BCAP29: variants seen among roughly 807,000 people sequenced by gnomAD.
BCAP29 encodes B-cell receptor-associated protein 29.
Under a neutral mutation model 31.8 loss-of-function variants are expected in BCAP29, and 34 were observed. The observed-to-expected ratio is 1.07, with a 90% CI of 0.81 to 1.42. The LOEUF (loss-of-function observed/expected upper bound fraction) is 1.42, where lower values mean the gene tolerates loss of function less well. BCAP29 is among the 40% of genes most tolerant of loss of function. The pLI is 0.00. For synonymous variants in BCAP29, 104 were observed against 91.3 expected, an observed-to-expected ratio of 1.14 and a Z score of -0.79; for missense variants, 314 against 269.2, an observed-to-expected ratio of 1.17 and a Z score of -1.16.
At chr7:107,594,362 A>ACT (rs1310781794) in intron 4 of BCAP29, among the ~76,000 whole-genome samples, 1 of 151,766 alleles carries the variant, frequency 6.6e-6, no homozygotes, top group African/African-American at 2.4e-5. Flanking sequence ...TAATTTTTAA[A>ACT]TTTTTTGTAG....
intron 2 of BCAP29, among the ~76,000 whole-genome samples, chr7:107,581,333 C>G (rs148315345): frequency 1.7e-3 from 264 of 152,242 alleles, no homozygotes; most frequent in African/African-American, 6.0e-3. Context: ...CCTTTGTAAC[C>G]GTTAGTTTCA....
intron 7 of BCAP29, among the ~76,000 whole-genome samples, chr7:107,616,959 G>C (rs1267623939): frequency 2.0e-5 from 3 of 152,098 alleles, no homozygotes; most frequent in Non-Finnish European, 2.9e-5. Flanking sequence ...GGCTGGTCTC[G>C]AACTCCTGAC....
At position 107,615,404 on chromosome 7, in the gene BCAP29, G is replaced by A. The variant is rs527833084; in HGVS notation, c.690+1972G>A. ...GATCATGGGAGATCAAGACCATCCT[G>A]GCTAACAAGGTGAAACCCTGTCTCT... On this transcript the variant is annotated intron_variant, in intron 7 of 7. Transcript: ENST00000005259. 225 of 441,874 alleles carry A rather than the reference G, an allele frequency of 5.1e-4. 2 individuals carry two copies. The highest frequency in any genetic ancestry group is 4.1e-3 in the African/African-American group (206 of 49,660). The allele number at this position is 441,874 out of a possible 1,614,324, so 27.4% of individuals were successfully genotyped here. A position where few individuals can be genotyped will look rare whatever the true frequency, so the allele number is the denominator to read the frequency against.
chr7:107,618,100 A>G (rs918765844), intron 7 of BCAP29, among the ~76,000 whole-genome samples: 2 of 152,312 alleles, frequency 1.3e-5, no homozygotes, highest in East Asian at 1.9e-4. Context: ...AAAGCAAAAT[A>G]GATTAAGGCA....
intron 2 of BCAP29, among the ~76,000 whole-genome samples, chr7:107,582,040 C>T (rs994267611): frequency 6.6e-6 from 1 of 152,158 alleles, no homozygotes; most frequent in East Asian, 1.9e-4. Context: ...GCCTCTCATC[C>T]TGTAGGTTTT....
At chr7:107,607,635 CTTTTTTTTTT>C (rs57817003) in intron 6 of BCAP29, among the ~76,000 whole-genome samples, 1 of 132,640 alleles carries the variant, frequency 7.5e-6, no homozygotes, top group African/African-American at 2.8e-5. Flanking sequence ...CTTTCTTTTT[CTTTTTTTTTT>C]TTTTTTTCCG....
chr7:107,593,748 C>G (rs1809301247), intron 3 of BCAP29, among the ~76,000 whole-genome samples: 1 of 152,086 alleles, frequency 6.6e-6, no homozygotes, highest in Non-Finnish European at 1.5e-5. Flanking sequence ...TATAGTAATT[C>G]AAAATTTGCT....
upstream of BCAP29, chr7:107,580,165 G>C (rs924791909): frequency 6.6e-6 from 1 of 152,134 alleles, no homozygotes; most frequent in Non-Finnish European, 1.5e-5. Context: ...CAGCCGGGAC[G>C]GACCCGCGGG....
chr7:107,587,075 C>G (rs1038630651), intron 3 of BCAP29, among the ~76,000 whole-genome samples: 1 of 152,122 alleles, frequency 6.6e-6, no homozygotes, highest in African/African-American at 2.4e-5. Flanking sequence ...TTAGAGCCAA[C>G]ACTAACTGAG....
intron 6 of BCAP29, among the ~76,000 whole-genome samples, chr7:107,604,082 A>G (rs1308620324): frequency 6.6e-6 from 1 of 152,182 alleles, no homozygotes. Context: ...TATTATGGGT[A>G]CCTAAGTATT....
chr7:107,585,496 C>T (rs1807485387), intron 3 of BCAP29, among the ~76,000 whole-genome samples: 1 of 152,160 alleles, frequency 6.6e-6, no homozygotes, highest in South Asian at 2.1e-4. Context: ...CACCAGCTAA[C>T]TAAAGGACCT....
intron 6 of BCAP29, among the ~76,000 whole-genome samples, chr7:107,610,411 CAAAAT>C (rs1308028697): frequency 2.0e-5 from 3 of 152,082 alleles, no homozygotes; most frequent in Non-Finnish European, 4.4e-5. Flanking sequence ...TAATATGCCT[CAAAAT>C]AAAATAAGCA....
downstream of BCAP29, chr7:107,621,024 A>G (rs546465899): frequency 4.6e-5 from 7 of 152,482 alleles, no homozygotes; most frequent in East Asian, 3.9e-4. Context: ...AGCCACAGCT[A>G]CTTGGATGTA....
chr7:107,588,768 A>G (rs570708738), intron 3 of BCAP29, among the ~76,000 whole-genome samples: 12 of 152,366 alleles, frequency 7.9e-5, no homozygotes, highest in African/African-American at 2.9e-4. Context: ...AGGATGTCTA[A>G]GAAAGGAGAG....
intron 6 of BCAP29, among the ~76,000 whole-genome samples, chr7:107,610,867 T>C (rs1163641046): frequency 6.6e-6 from 1 of 152,196 alleles, no homozygotes; most frequent in Non-Finnish European, 1.5e-5. Flanking sequence ...ATAAATTGTT[T>C]TTGACATTAA....
At chr7:107,610,628 T>A (rs889243268) in intron 6 of BCAP29, among the ~76,000 whole-genome samples, 7 of 152,118 alleles carry the variant, frequency 4.6e-5, no homozygotes, top group African/African-American at 1.2e-4. Context: ...TCCACTGAAA[T>A]ACAAAATGAA....
chr7:107,594,182 C>T (rs1401859884), intron 4 of BCAP29, 77 bp downstream of exon 4: 17 of 1,363,002 alleles, frequency 1.2e-5, no homozygotes, highest in Non-Finnish European at 1.5e-5. Context: ...TCCACCTTTA[C>T]TGTAGATTTT....
Position 107,600,484 on chromosome 7 carries a change from G to C in BCAP29, c.568G>C (p.Glu190Gln). 2.5e-6 allele frequency: 4 copies of C among 1,600,404 alleles called. No homozygotes were observed. Among genetic ancestry groups the C allele is most frequent in the Non-Finnish European group, 3.4e-6 (4 of 1,169,468 alleles). ...AGAAGACCAGGAGAAACTGAAAACT[G>C]AATTAAGGAAGACTTCAGATGGTAA... ...LVEDQEKLKT[E>Q]LRKTSDALSK... The change falls in exon 6 of 8, where the codon GAA becomes CAA. Residue 190 changes from glutamate (E) to glutamine (Q), a missense_variant. Glu to Gln is a conservative substitution (Grantham distance 29). Coordinates refer to ENST00000005259, the MANE Select transcript of BCAP29 (RefSeq NM_018844.4).
At chr7:107,623,030 G>C (rs1362390146), downstream of BCAP29, 1 of 152,100 alleles carries the variant, frequency 6.6e-6, no homozygotes, top group African/African-American at 2.4e-5. Context: ...TGTGGGGCCA[G>C]TTTCTTTTTT....
Sources: gnomAD v4.1 joint callset for allele counts (sites outside exome capture counted in the v4.1 genomes callset) on GRCh38, gnomAD v4.1.1 for gene constraint, MANE v1.5 for transcripts, NCBI Gene and HGNC (gene_info 2026-07-23, HGNC 2026-07-21) for gene names.